The following KLK12 variants were observed in gnomAD, a reference collection of about 807,000 sequenced individuals.
KLK12 encodes kallikrein-12.
In KLK12, 23 loss-of-function variants were observed where a neutral mutation model predicts 20.0. That is an observed-to-expected ratio of 1.15 (90% CI 0.83 to 1.63). The LOEUF (loss-of-function observed/expected upper bound fraction) is 1.63. Ranked by LOEUF, KLK12 falls within the 40% of genes most tolerant of loss-of-function variation. The pLI, the probability that KLK12 is intolerant of heterozygous loss-of-function variation, is 0.00. For synonymous variants in KLK12, 147 were observed against 141.9 expected, an observed-to-expected ratio of 1.04 and a Z score of -0.25; for missense variants, 351 against 338.6, an observed-to-expected ratio of 1.04 and a Z score of -0.29.
chr19:51,029,876 G>C (rs2091537145), intron 5 of KLK12, among the ~76,000 whole-genome samples: 1 of 152,154 alleles, frequency 6.6e-6, no homozygotes, highest in Admixed American at 6.5e-5. Context: ...CAGGGGAGGA[G>C]GGTGGGACTC....
chr19:51,030,592 C>T (rs1171500482), intron 5 of KLK12, among the ~76,000 whole-genome samples, 196 bp downstream of exon 5: 1 of 151,930 alleles, frequency 6.6e-6, no homozygotes, highest in Non-Finnish European at 1.5e-5. Context: ...TCAAGTGATC[C>T]GCCCGCCTCG....
In KLK12 at chr19:51,031,027, C is replaced by T; in HGVS notation, c.458-106G>A. The T allele has an allele frequency of 3.0e-6, 4 of 1,326,652 alleles. No homozygotes were observed. In the South Asian group the frequency reaches 4.7e-5, roughly 16 times the overall value. The allele number at this position is 1,326,652 out of a possible 1,614,324, so 82.2% of individuals were successfully genotyped here. A position where few individuals can be genotyped will look rare whatever the true frequency, so the allele number is the denominator to read the frequency against. ...CATCCATGTCAATACCCCTGCCCCTCACCGACCTGTACTACAATCCCGAAA... is the reference window on the plus strand; with the variant it reads ...CATCCATGTCAATACCCCTGCCCCTTACCGACCTGTACTACAATCCCGAAA... On this transcript the variant is annotated intron_variant, in intron 4 of 5. Transcript: ENST00000684732.
At chr19:51,030,670 C>A in intron 5 of KLK12, 118 bp downstream of exon 5, 2 of 1,422,880 alleles carry the variant, frequency 1.4e-6, no homozygotes, top group Non-Finnish European at 2.0e-6. Context: ...TTTTTGACCC[C>A]GTCTCTCTGC....
intron 3 of KLK12, among the ~76,000 whole-genome samples, chr19:51,033,508 C>G (rs542051277): frequency 3.0e-4 from 46 of 152,198 alleles, no homozygotes; most frequent in African/African-American, 1.1e-3. Flanking sequence ...CCCAGCTACT[C>G]AGGAGGCTGG....
At chr19:51,030,979 G>A (rs948527691) in intron 4 of KLK12, 58 bp from the exon 5 acceptor site, 60 of 1,604,952 alleles carry the variant, frequency 3.7e-5, no homozygotes, top group Non-Finnish European at 4.6e-5. Flanking sequence ...TTGAGGCCAC[G>A]TCCCTCTTCC....
chr19:51,029,818 G>A (rs1209477657), intron 5 of KLK12, among the ~76,000 whole-genome samples: 1 of 152,186 alleles, frequency 6.6e-6, no homozygotes, highest in Non-Finnish European at 1.5e-5. Flanking sequence ...ACAATGGCTG[G>A]GGCCCTGACC....
In KLK12 at chr19:51,034,133, C is replaced by T; in HGVS notation, c.44G>A (p.Ser15Asn). 1 of 1,552,518 alleles carries T rather than the reference C, an allele frequency of 6.4e-7. No individual in the cohort carries two copies. Among genetic ancestry groups the T allele is most frequent in the Non-Finnish European group, 8.7e-7 (1 of 1,147,500 alleles). ...GAAAATCTTCGGTGTGGCTGCCTGG[C>T]TGAGCCCTGGAGACAGACAGGGGCA... ...IFLLLCVLGL[S>N]QAATPKIFNG... Residue 15 changes from serine to asparagine, a missense_variant, in exon 3 of 6, where the codon AGC (serine) becomes AAC (asparagine). Transcript: ENST00000684732.
intron 1 of KLK12, 32 bp from the exon 2 acceptor site, chr19:51,034,672 C>G: frequency 6.3e-7 from 1 of 1,588,250 alleles, no homozygotes; most frequent in South Asian, 1.1e-5. Context: ...AGAGGTCACC[C>G]TTTCCCTGTG....
rs371632510 is a variant in KLK12 at position 51,032,843 on chromosome 19, T to C, written c.198-708A>G. Among the ~76,000 whole-genome samples the C allele has an allele frequency of 1.4e-3, 207 of 152,250 alleles. 5 individuals are homozygous for C. The South Asian group carries it at 0.035, about 25-fold the overall frequency. On this transcript the variant is annotated intron_variant, in intron 3 of 5. Coordinates refer to ENST00000684732, the MANE Select transcript of KLK12 (RefSeq NM_001370125.1). ...ATGATTGAACGAGTGGGTTGATGAA[T>C]GGCCTCTCTGCATCCTGCTGCTGGC...
chr19:51,032,241 ACTGT>A (rs2122613534), intron 3 of KLK12, 106 bp from the exon 4 acceptor site: 2 of 1,304,882 alleles, frequency 1.5e-6, no homozygotes, highest in African/African-American at 1.5e-5. Context: ...TCTGCCCCTC[ACTGT>A]CTGTCCTCTC....
Position 51,031,595 on chromosome 19 carries a change from C to CATACATATATATATATATATATATAT in KLK12, c.457+280_457+281insATATATATATATATATATATATGTAT, listed in dbSNP as rs6146546. Reference sequence around the variant, plus strand: ...CCACAATGCCCATATCCTATACATACATATATATATATATATGCCTTTTGC... The same window carrying CATACATATATATATATATATATATAT: ...CCACAATGCCCATATCCTATACATACATACATATATATATATATATATATATATATATATATATATATGCCTTTTGC... On this transcript the variant is annotated intron_variant, in intron 4 of 5. Transcript: ENST00000684732. 4.8e-4 allele frequency among the ~76,000 whole-genome samples: 58 copies of CATACATATATATATATATATATATAT among 120,468 alleles called. 1 individual carries two copies. The highest frequency in any genetic ancestry group is 9.0e-4 in the African/African-American group (31 of 34,312). The allele number at this position is 120,468 out of a possible 152,430, so 79.0% of individuals were successfully genotyped here.
rs2091596716 is a variant in KLK12 at position 51,034,908 on chromosome 19, CT to C, written c.-123del. 5 of 1,322,496 alleles carry C rather than the reference CT, an allele frequency of 3.8e-6. No homozygotes were observed. In the Admixed American group the frequency reaches 1.6e-4, roughly 42 times the overall value. The allele number at this position is 1,322,496 out of a possible 1,614,324, so 81.9% of individuals were successfully genotyped here. A position where few individuals can be genotyped will look rare whatever the true frequency, so the allele number is the denominator to read the frequency against. ...ACCTACCTGCCTGTCTTCTCATGTG[CT>C]GGCCACTCCGCCAGCCAACTCTACC... On this transcript the variant is annotated 5_prime_UTR_variant, in exon 1 of 6. The change creates a premature stop within an existing upstream ORF in the 5' untranslated region. Coordinates refer to ENST00000684732, the MANE Select transcript of KLK12 (RefSeq NM_001370125.1).
At chr19:51,033,866 T>C (rs981604499) in intron 3 of KLK12, 114 bp downstream of exon 3, 1 of 1,080,930 alleles carries the variant, frequency 9.3e-7, no homozygotes, top group African/African-American at 1.6e-5. Context: ...AACCTCAGAC[T>C]CTCTTGTTGC....
Position 51,031,942 on chromosome 19 carries a change from T to TGGGCAG in KLK12, c.385_390dup (p.Leu129_Pro130dup). 2 of 1,613,402 alleles carry TGGGCAG rather than the reference T, an allele frequency of 1.2e-6. No homozygotes were observed. Among genetic ancestry groups the TGGGCAG allele is most frequent in the Non-Finnish European group, 1.7e-6 (2 of 1,179,672 alleles). On this transcript the variant is annotated inframe_insertion, in exon 4 of 6. Coordinates refer to ENST00000684732, the MANE Select transcript of KLK12 (RefSeq NM_001370125.1). ...TCGGTGCCAGCGGTTGCACAGTCAT[T>TGGGCAG]GGGCAGGGGCAGGGGTTGAACGCTG...
Position 51,034,577 on chromosome 19 carries a change from G to A in KLK12, c.37+8C>T. 1 of 1,610,580 alleles carries A rather than the reference G, an allele frequency of 6.2e-7. No homozygotes were observed. Among genetic ancestry groups the A allele is most frequent in the Non-Finnish European group, 8.5e-7 (1 of 1,178,452 alleles). ...GTCCTGCCCTCTCCCTGCTCCGGGAGAACTCACCAAGAACACACAGGAGCA... is the reference window on the plus strand; with the variant it reads ...GTCCTGCCCTCTCCCTGCTCCGGGAAAACTCACCAAGAACACACAGGAGCA... On this transcript the variant is annotated splice_region_variant and intron_variant, in intron 2 of 5. Transcript: ENST00000684732.
At chr19:51,033,126 G>A (rs1229226868) in intron 3 of KLK12, among the ~76,000 whole-genome samples, 1 of 151,416 alleles carries the variant, frequency 6.6e-6, no homozygotes, top group Non-Finnish European at 1.5e-5. Context: ...TGAGGTGTGA[G>A]GATCACTTGA....
Position 51,033,971 on chromosome 19 carries a change from G to C in KLK12, c.197+9C>G. ...GTCCTCCCTTCGCCCACCCCAGGAAGGGACTTACCTGCCGCTGCAGTGAGC... is the reference window on the plus strand; with the variant it reads ...GTCCTCCCTTCGCCCACCCCAGGAACGGACTTACCTGCCGCTGCAGTGAGC... On this transcript the variant is annotated intron_variant, in intron 3 of 5. Transcript: ENST00000684732. 2 of 1,610,494 alleles carry C rather than the reference G, an allele frequency of 1.2e-6. No individual in the cohort carries two copies. Among genetic ancestry groups the C allele is most frequent in the Non-Finnish European group, 1.7e-6 (2 of 1,179,090 alleles).
chr19:51,032,147 G>A lies in KLK12; in HGVS notation c.198-12C>T, dbSNP rs770097930. 4.4e-6 allele frequency: 7 copies of A among 1,591,732 alleles called. No individual in the cohort carries two copies. Among genetic ancestry groups the A allele is most frequent in the African/African-American group, 1.3e-5 (1 of 74,448 alleles). On this transcript the variant is annotated splice_polypyrimidine_tract_variant and intron_variant, in intron 3 of 5. Transcript: ENST00000684732. ...GCACCCAGTACCTGCTGCCGGTGGC[G>A]ACGGCTGAGCGGGTGGCAGGCACGC...
At position 51,032,084 on chromosome 19, in the gene KLK12, G is replaced by A. The variant is rs528133691; in HGVS notation, c.249C>T (p.Thr83=). ...AGAAGCCGCTGTGCCGGATCTGCTCGGTCCAGTCGAGCTGGCTGAGGCTGT... is the reference window on the plus strand; with the variant it reads ...AGAAGCCGCTGTGCCGGATCTGCTCAGTCCAGTCGAGCTGGCTGAGGCTGT... The part of the protein sequence containing the change: ...GEHSLSQLDW[T]EQIRHSGFSV... The change falls in exon 4 of 6, where the codon ACC becomes ACT. Residue 83 remains threonine (T), a synonymous_variant. Transcript: ENST00000684732. 156 of 1,604,982 alleles carry A rather than the reference G, an allele frequency of 9.7e-5. No individual in the cohort carries two copies. The highest frequency in any genetic ancestry group is 2.0e-4 in the Admixed American group (12 of 59,326).
Sources: gnomAD v4.1 joint callset for allele counts (sites outside exome capture counted in the v4.1 genomes callset) on GRCh38, gnomAD v4.1.1 for gene constraint, MANE v1.5 for transcripts, NCBI Gene and HGNC (gene_info 2026-07-23, HGNC 2026-07-21) for gene names.